Variants in PSMC4 observed in about 807,000 individuals in gnomAD.
The protein encoded by PSMC4 is 26S proteasome regulatory subunit 6B.
Under a neutral mutation model 48.4 loss-of-function variants are expected in PSMC4, and 13 were observed. That is an observed-to-expected ratio of 0.27 (90% CI 0.18 to 0.43). The LOEUF (loss-of-function observed/expected upper bound fraction) is 0.43, where lower values mean the gene tolerates loss of function less well. Among genes scored for constraint, PSMC4 ranks in the 20% least tolerant of loss-of-function variants. The probability of loss-of-function intolerance (pLI) is 1.00; values close to 1 mark genes in which losing one functional copy is unlikely to be tolerated. For synonymous variants in PSMC4, 202 were observed against 212.3 expected (o/e 0.95, Z 0.42); for missense variants, 262 against 555.9 (o/e 0.47, Z 5.32).
chr19:39,976,810 G>A (rs996400390), intron 6 of PSMC4, among the ~76,000 whole-genome samples: 12 of 146,680 alleles, frequency 8.2e-5, no homozygotes, highest in Non-Finnish European at 1.3e-4. Context: ...CACCCAGCCC[G>A]TAAACCTTCT....
In PSMC4 at chr19:39,972,139, C is replaced by G. The variant is rs762394545; in HGVS notation, c.37-7C>G. 6.2e-7 allele frequency: 1 copy of G among 1,611,162 alleles called. No individual in the cohort carries two copies. The highest frequency in any genetic ancestry group is 1.7e-5 in the Admixed American group (1 of 59,940). ...TCTTCCAATGTGAGTTATCCCCTTT[C>G]GTCTAGGATGAGATCCCAGCACTGT... On this transcript the variant is annotated splice_region_variant and splice_polypyrimidine_tract_variant and intron_variant, in intron 1 of 10. Coordinates refer to ENST00000157812, the MANE Select transcript of PSMC4 (RefSeq NM_006503.4).
chr19:39,975,463 T>A (rs1971182088), intron 6 of PSMC4, among the ~76,000 whole-genome samples: 1 of 139,768 alleles, frequency 7.2e-6, no homozygotes, highest in Admixed American at 6.7e-5. Context: ...TCACTCACTC[T>A]ATAACTTTTT....
In PSMC4 at chr19:39,979,899, C is replaced by T; in HGVS notation, c.756C>T (p.Arg252=). The change falls in exon 7 of 11, where the codon CGC becomes CGT. Residue 252 remains arginine (R), a synonymous_variant. Coordinates refer to ENST00000157812, the MANE Select transcript of PSMC4 (RefSeq NM_006503.4). ...EGPRMVRDVF[R]LAKENAPAII... Reference sequence around the variant, plus strand: ...CCCGCATGGTCCGGGATGTGTTCCGCCTGGCCAAGGAGAATGCACCTGCCA... The same window carrying T: ...CCCGCATGGTCCGGGATGTGTTCCGTCTGGCCAAGGAGAATGCACCTGCCA... The T allele has an allele frequency of 6.2e-7, 1 of 1,614,092 alleles. No homozygotes were observed.
chr19:39,972,657 T>C, intron 3 of PSMC4, 102 bp downstream of exon 3: 1 of 979,052 alleles, frequency 1.0e-6, no homozygotes, highest in Non-Finnish European at 1.5e-6. Context: ...AGTGCAATGT[T>C]CTTCAGAGTA....
At chr19:39,973,927 T>C (rs1230988782) in intron 3 of PSMC4, among the ~76,000 whole-genome samples, 1 of 149,664 alleles carries the variant, frequency 6.7e-6, no homozygotes, top group Non-Finnish European at 1.5e-5. Context: ...GGTAGAGGAG[T>C]AGGTTTGTGG....
At position 39,980,251 on chromosome 19, in the gene PSMC4, G is replaced by A. The variant is rs1370080536; in HGVS notation, c.919-35G>A. The A allele has an allele frequency of 2.5e-6, 4 of 1,613,588 alleles. No homozygotes were observed. The highest frequency in any genetic ancestry group is 2.2e-5 in the East Asian group (1 of 44,892). On this transcript the variant is annotated intron_variant, in intron 8 of 10. Coordinates refer to ENST00000157812, the MANE Select transcript of PSMC4 (RefSeq NM_006503.4). This position sits in a 1 kb window ranked among gnomAD's most constrained non-coding sequence, Gnocchi z 4.8. Reference sequence around the variant, plus strand: ...ATCGTGACAGGAAGGAGGTAGGAGTGCAGAGATCTGAGCTGGCCTGCCCCC... The same window carrying A: ...ATCGTGACAGGAAGGAGGTAGGAGTACAGAGATCTGAGCTGGCCTGCCCCC...
intron 6 of PSMC4, among the ~76,000 whole-genome samples, chr19:39,978,044 T>C (rs1971232366): frequency 6.6e-6 from 1 of 152,164 alleles, no homozygotes; most frequent in East Asian, 1.9e-4. Flanking sequence ...AGGCTGGTCT[T>C]GAACTCCTGG....
At position 39,972,350 on chromosome 19, in the gene PSMC4, GT is replaced by G. The variant is rs779467949; in HGVS notation, c.136-18del. The G allele has an allele frequency of 6.2e-7, 1 of 1,613,064 alleles. No homozygotes were observed. The highest frequency in any genetic ancestry group is 2.2e-5 in the East Asian group (1 of 44,860). ...AGCAAGTCTGGAGCCATCCCCTTCT[GT>G]CCCCTCTCTGCTCGCAGAAGCTGCA... On this transcript the variant is annotated intron_variant, in intron 2 of 10. Transcript: ENST00000157812.
Position 39,974,893 on chromosome 19 carries a change from C to T in PSMC4, c.673+65C>T. On this transcript the variant is annotated intron_variant, in intron 6 of 10. Coordinates refer to ENST00000157812, the MANE Select transcript of PSMC4 (RefSeq NM_006503.4). This position sits in a 1 kb window ranked among gnomAD's most constrained non-coding sequence, Gnocchi z 5.5. ...GCCTCTTCGCCTTGCTCCCTGCTCG[C>T]TCACTGGCACTGCACAGTAATTAGA... The T allele has an allele frequency of 3.5e-6, 5 of 1,416,962 alleles. No homozygotes were observed. The highest frequency in any genetic ancestry group is 4.9e-6 in the Non-Finnish European group (5 of 1,015,320). 87.8% of individuals were successfully genotyped at this position (1,416,962 alleles called of 1,614,324 possible).
intron 6 of PSMC4, among the ~76,000 whole-genome samples, chr19:39,977,630 G>A (rs1459936395): frequency 6.6e-6 from 1 of 152,006 alleles, no homozygotes; most frequent in East Asian, 1.9e-4. Context: ...GACCAGCCTG[G>A]CAAACATAGT....
intron 2 of PSMC4, 44 bp from the exon 3 acceptor site, chr19:39,972,325 A>G: frequency 6.2e-7 from 1 of 1,611,384 alleles, no homozygotes. Context: ...TCTCTGGATC[A>G]GCAAGTCTGG....
In PSMC4 at chr19:39,972,563, A is replaced by T; in HGVS notation, c.322+8A>T. 1 of 1,603,402 alleles carries T rather than the reference A, an allele frequency of 6.2e-7. No individual in the cohort carries two copies. The highest frequency in any genetic ancestry group is 8.5e-7 in the Non-Finnish European group (1 of 1,172,612). On this transcript the variant is annotated splice_region_variant and intron_variant, in intron 3 of 10. Transcript: ENST00000157812. ...TCGTGGGCTCTACCACAGGTGTGCT[A>T]AGGACACCTCATTCATTCATCTGTC...
At chr19:39,973,268 C>T (rs935239867) in intron 3 of PSMC4, among the ~76,000 whole-genome samples, 1 of 152,058 alleles carries the variant, frequency 6.6e-6, no homozygotes, top group East Asian at 1.9e-4. Flanking sequence ...CAGTTTGAAA[C>T]GATGAGTAGG....
intron 6 of PSMC4, among the ~76,000 whole-genome samples, chr19:39,975,420 T>A (rs568055430): frequency 1.6e-3 from 237 of 152,196 alleles, no homozygotes; most frequent in African/African-American, 5.5e-3. Context: ...AATGTATTTC[T>A]TATTGTAGGT....
chr19:39,972,226 C>T lies in PSMC4; in HGVS notation c.117C>T (p.Asp39=). The stretch of plus-strand genomic sequence containing the variant: ...GCCCTGAGCCTGAGGACCTGGAGGA[C>T]CTGTACAGCCGCTACAAGGTACATT... The part of the protein sequence containing the change: ...FLGPEPEDLE[D]LYSRYKKLQQ... Residue 39 remains aspartate (D), a synonymous_variant, in exon 2 of 11, where the codon GAC becomes GAT. Coordinates refer to ENST00000157812, the MANE Select transcript of PSMC4 (RefSeq NM_006503.4). 1 of 1,614,000 alleles carries T rather than the reference C, an allele frequency of 6.2e-7. No individual in the cohort carries two copies. The highest frequency in any genetic ancestry group is 8.5e-7 in the Non-Finnish European group (1 of 1,180,008).
chr19:39,974,917 G>C lies in PSMC4; in HGVS notation c.673+89G>C. On this transcript the variant is annotated intron_variant, in intron 6 of 10. Transcript: ENST00000157812. The surrounding 1 kb of genome is among the most constrained non-coding windows in gnomAD (Gnocchi z 5.5). ...GCTCACTGGCACTGCACAGTAATTAGAAACAGACTCTGGGGTCATAGCCCA... is the reference window on the plus strand; with the variant it reads ...GCTCACTGGCACTGCACAGTAATTACAAACAGACTCTGGGGTCATAGCCCA... The C allele has an allele frequency of 7.8e-7, 1 of 1,279,696 alleles. No homozygotes were observed. The highest frequency in any genetic ancestry group is 1.1e-6 in the Non-Finnish European group (1 of 910,460). 79.3% of individuals were successfully genotyped at this position (1,279,696 alleles called of 1,614,324 possible). A position where few individuals can be genotyped will look rare whatever the true frequency, so the allele number is the denominator to read the frequency against.
intron 6 of PSMC4, among the ~76,000 whole-genome samples, chr19:39,978,166 C>G (rs1407973159): frequency 6.6e-6 from 1 of 152,074 alleles, no homozygotes; most frequent in Non-Finnish European, 1.5e-5. Context: ...GGTGACAGCA[C>G]AGCTTACTAA....
chr19:39,971,198 T>A lies in PSMC4; in HGVS notation c.-5T>A. On this transcript the variant is annotated 5_prime_UTR_variant, in exon 1 of 11. Transcript: ENST00000157812. ...CCAGGCCACACAGAGGCCGGCTTGG[T>A]CACTATGGAGGAGATAGGCATCTTG... The A allele has an allele frequency of 6.2e-7, 1 of 1,613,822 alleles. No homozygotes were observed. Among genetic ancestry groups the A allele is most frequent in the Non-Finnish European group, 8.5e-7 (1 of 1,179,832 alleles).
At chr19:39,977,550 G>A (rs1217781224) in intron 6 of PSMC4, among the ~76,000 whole-genome samples, 2 of 152,086 alleles carry the variant, frequency 1.3e-5, no homozygotes, top group African/African-American at 2.4e-5. Context: ...GGCAAGGCGC[G>A]GTGGCTCACG....
Sources: gnomAD v4.1 joint callset for allele counts (sites outside exome capture counted in the v4.1 genomes callset) on GRCh38, gnomAD v4.1.1 for gene constraint, Gnocchi (gnomAD v3.1) non-coding constraint, MANE v1.5 for transcripts, NCBI Gene and HGNC (gene_info 2026-07-23, HGNC 2026-07-21) for gene names.